The following MTMR1 variants were observed in gnomAD, a reference collection of about 807,000 sequenced individuals.
The protein encoded by MTMR1 is myotubularin related protein 1, also known as phosphatidylinositol-3-phosphate phosphatase MTMR1.
A neutral mutation model predicts 51.6 loss-of-function variants in MTMR1; 17 were observed. The observed-to-expected ratio is 0.33, with a 90% CI of 0.23 to 0.49. MTMR1 has a LOEUF of 0.49. Among genes scored for constraint, MTMR1 ranks in the 20% least tolerant of loss-of-function variants. The pLI, the probability that MTMR1 is intolerant of heterozygous loss-of-function variation, is 0.99. For synonymous variants in MTMR1, 201 were observed against 205.6 expected (o/e 0.98, Z 0.19); for missense variants, 386 against 526.9 (o/e 0.73, Z 2.62).
At chrX:150,758,621 T>C (rs782219468) in intron 15 of MTMR1, among the ~76,000 whole-genome samples, 3 of 111,094 alleles carry the variant, frequency 2.7e-5, no homozygotes, top group African/African-American at 6.5e-5. Flanking sequence ...CAAAACCCTG[T>C]CTCTACTAAA....
intron 15 of MTMR1, among the ~76,000 whole-genome samples, chrX:150,761,015 G>C (rs191565857): frequency 2.0e-4 from 22 of 111,029 alleles, no homozygotes; most frequent in Admixed American, 9.5e-5. Flanking sequence ...TGGTGCGTTT[G>C]AGCAGTGCTG....
At chrX:150,726,425 T>C (rs1557416770) in intron 4 of MTMR1, among the ~76,000 whole-genome samples, 1 of 111,765 alleles carries the variant, frequency 8.9e-6, no homozygotes, top group East Asian at 2.8e-4. Context: ...GGGCTGCTCA[T>C]GGACAGGAAC....
In MTMR1 at chrX:150,693,514, G is replaced by A. The variant is rs1274491068; in HGVS notation, c.-17G>A. The stretch of plus-strand genomic sequence containing the variant: ...TCCCGACGGCGGCTTCCCCAAGGCG[G>A]CAGGACTCGGCGCGCCATGGACAGG... On this transcript the variant is annotated 5_prime_UTR_variant, in exon 1 of 16. Transcript: ENST00000445323. The A allele has an allele frequency of 2.6e-6, 2 of 759,887 alleles. No individual in the cohort carries two copies. Among genetic ancestry groups the A allele is most frequent in the Non-Finnish European group, 3.1e-6 (2 of 644,039 alleles). The allele number at this position is 759,887 out of a possible 1,213,427, so 62.6% of individuals were successfully genotyped here.
chrX:150,760,760 T>C (rs2043089308), intron 15 of MTMR1, among the ~76,000 whole-genome samples: 1 of 109,974 alleles, frequency 9.1e-6, no homozygotes, highest in African/African-American at 3.3e-5. Flanking sequence ...CTCATCTCTA[T>C]TAAAAATACA....
chrX:150,726,043 G>A (rs2041911611), intron 4 of MTMR1, among the ~76,000 whole-genome samples: 1 of 111,779 alleles, frequency 8.9e-6, no homozygotes, highest in South Asian at 3.7e-4. Context: ...CCCAACCCAT[G>A]GGCCGTGGAT....
intron 12 of MTMR1, among the ~76,000 whole-genome samples, chrX:150,739,932 C>G (rs1445527528): frequency 1.8e-5 from 2 of 111,803 alleles, no homozygotes; most frequent in East Asian, 5.6e-4. Context: ...TCTGTGTACT[C>G]TACTTTACCT....
intron 3 of MTMR1, 70 bp from the exon 4 acceptor site, chrX:150,718,555 G>T: frequency 9.5e-7 from 1 of 1,056,214 alleles, no homozygotes; most frequent in Non-Finnish European, 1.2e-6. Flanking sequence ...CAGGTATACG[G>T]AAAGTGAGAT....
intron 15 of MTMR1, among the ~76,000 whole-genome samples, chrX:150,761,417 G>A (rs5925422): frequency 1.8e-5 from 2 of 111,496 alleles, no homozygotes; most frequent in Admixed American, 1.9e-4. Context: ...CCCTCCAGGA[G>A]GGCTGATCAC....
intron 2 of MTMR1, among the ~76,000 whole-genome samples, chrX:150,703,370 C>G (rs1203770192): frequency 8.9e-6 from 1 of 111,874 alleles, no homozygotes; most frequent in Non-Finnish European, 1.9e-5. Flanking sequence ...CAATTGTGTT[C>G]AAAAGAATTT....
chrX:150,751,371 C>A, intron 14 of MTMR1: 1 of 327,253 alleles, frequency 3.1e-6, no homozygotes, highest in Non-Finnish European at 4.1e-6. Flanking sequence ...AGTGAGAAGG[C>A]ATTGGAAAAA....
chrX:150,719,615 T>C (rs1214552530), intron 4 of MTMR1, among the ~76,000 whole-genome samples: 1 of 112,142 alleles, frequency 8.9e-6, no homozygotes, highest in South Asian at 3.7e-4. Flanking sequence ...CTGTTTAAAA[T>C]GCAGAGGTAA....
At chrX:150,741,571 T>A in intron 12 of MTMR1, among the ~76,000 whole-genome samples, 1 of 112,512 alleles carries the variant, frequency 8.9e-6, no homozygotes, top group Admixed American at 9.4e-5. Context: ...TTGTGATTTA[T>A]ACATCTTTGT....
At chrX:150,715,626 A>G (rs868966003) in intron 3 of MTMR1, among the ~76,000 whole-genome samples, 1 of 112,347 alleles carries the variant, frequency 8.9e-6, no homozygotes, top group African/African-American at 3.2e-5. Context: ...GGAATCTACT[A>G]TACTCACCAA....
chrX:150,755,143 C>A (rs782101422), intron 14 of MTMR1, among the ~76,000 whole-genome samples: 1 of 111,307 alleles, frequency 9.0e-6, no homozygotes, highest in East Asian at 2.8e-4. Flanking sequence ...CAGCCTCAAA[C>A]TCCTGGCCTC....
chrX:150,731,332 C>T, intron 8 of MTMR1, 138 bp from the exon 9 acceptor site: 1 of 496,511 alleles, frequency 2.0e-6, no homozygotes, highest in South Asian at 8.3e-5. Flanking sequence ...TATATATTGA[C>T]TTTTAAGTTA....
Position 150,755,147 on chromosome X carries a change from T to C in MTMR1, c.1681-542T>C, listed in dbSNP as rs374895949. 1.1e-3 allele frequency among the ~76,000 whole-genome samples: 126 copies of C among 111,380 alleles called. 1 individual carries two copies. Among genetic ancestry groups the C allele is most frequent in the African/African-American group, 3.8e-3 (116 of 30,705 alleles). ...ATAGCTCACTACAGCCTCAAACTCC[T>C]GGCCTCAAGCAATTCTGCCACCTCA... On this transcript the variant is annotated intron_variant, in intron 14 of 15. Coordinates refer to ENST00000445323, the MANE Select transcript of MTMR1 (RefSeq NM_001306144.3).
At chrX:150,700,167 T>C (rs1348712877) in intron 2 of MTMR1, among the ~76,000 whole-genome samples, 1 of 112,387 alleles carries the variant, frequency 8.9e-6, no homozygotes, top group Non-Finnish European at 1.9e-5. Flanking sequence ...CTACCATTAG[T>C]TAATAGTCTC....
At chrX:150,752,275 C>G (rs1267913548) in intron 14 of MTMR1, among the ~76,000 whole-genome samples, 2 of 111,571 alleles carry the variant, frequency 1.8e-5, no homozygotes, top group African/African-American at 6.5e-5. Context: ...CTGTCTCACA[C>G]TCCTACTGTC....
At position 150,708,429 on chromosome X, in the gene MTMR1, A is replaced by G. The variant is rs910233941; in HGVS notation, c.253-3913A>G. On this transcript the variant is annotated intron_variant, in intron 2 of 15. Transcript: ENST00000445323. ...CTAAAAAAGATGTTAGAAGTTAACT[A>G]TTGTGTTTCTTATGTTAGATTTATG... Among the ~76,000 whole-genome samples, 18 of 111,616 alleles carry G rather than the reference A, an allele frequency of 1.6e-4. No individual in the cohort carries two copies. The South Asian group carries it at 1.9e-3, about 12-fold the overall frequency.
Sources: gnomAD v4.1 joint callset for allele counts (sites outside exome capture counted in the v4.1 genomes callset) on GRCh38, gnomAD v4.1.1 for gene constraint, MANE v1.5 for transcripts, NCBI Gene and HGNC (gene_info 2026-07-23, HGNC 2026-07-21) for gene names.